Variants in CAMKMT observed in about 807,000 individuals in gnomAD.
The protein encoded by CAMKMT is calmodulin-lysine N-methyltransferase, also known as CaM KMT.
In CAMKMT, 53 loss-of-function variants were observed where a neutral mutation model predicts 48.0. That is an observed-to-expected ratio of 1.10 (90% CI 0.89 to 1.39). The LOEUF is 1.39. Among genes scored for constraint, CAMKMT ranks in the 40% most tolerant of loss-of-function variants. The pLI is 0.00. For synonymous variants in CAMKMT, 165 were observed against 152.3 expected, an observed-to-expected ratio of 1.08 and a Z score of -0.61; for missense variants, 428 against 402.7, an observed-to-expected ratio of 1.06 and a Z score of -0.54.
rs138074988 is a variant in CAMKMT at position 44,474,130 on chromosome 2, T to C, written c.376+83825T>C. ...AGTTCTTCTTTGGAATTGTGAAATA[T>C]CCTCTGAACTTAATAGAAATTTAGT... On this transcript the variant is annotated intron_variant, in intron 3 of 10. Coordinates refer to ENST00000378494, the MANE Select transcript of CAMKMT (RefSeq NM_024766.5). Among the ~76,000 whole-genome samples, 64 of 152,176 alleles carry C rather than the reference T, an allele frequency of 4.2e-4. 1 individual carries two copies. The East Asian group carries it at 0.012, about 28-fold the overall frequency.
chr2:44,538,050 T>G (rs1434977362), intron 3 of CAMKMT, among the ~76,000 whole-genome samples: 1 of 152,136 alleles, frequency 6.6e-6, no homozygotes, highest in Non-Finnish European at 1.5e-5. Flanking sequence ...GGAACCAATC[T>G]AAGTGCCCAC....
chr2:44,651,831 G>A (rs1252372086), intron 3 of CAMKMT, among the ~76,000 whole-genome samples: 1 of 152,080 alleles, frequency 6.6e-6, no homozygotes, highest in Non-Finnish European at 1.5e-5. Context: ...GCATGTTAAT[G>A]AAACCATTAG....
At chr2:44,397,855 C>T (rs145411752) in intron 3 of CAMKMT, among the ~76,000 whole-genome samples, 1 of 152,254 alleles carries the variant, frequency 6.6e-6, no homozygotes, top group African/African-American at 2.4e-5. Context: ...ACCCTATAAT[C>T]CTTTGTAGAT....
chr2:44,498,901 T>A (rs13402006), intron 3 of CAMKMT, among the ~76,000 whole-genome samples: 1 of 151,954 alleles, frequency 6.6e-6, no homozygotes, highest in African/African-American at 2.4e-5. Context: ...AGTCTTGAAT[T>A]TTGTGGTAAT....
At chr2:44,366,091 A>C (rs973771266) in intron 1 of CAMKMT, among the ~76,000 whole-genome samples, 30 of 152,246 alleles carry the variant, frequency 2.0e-4, no homozygotes, top group African/African-American at 7.0e-4. Flanking sequence ...TAAGCAACTT[A>C]CCTTTATCTT....
chr2:44,567,184 C>T (rs559997350), intron 3 of CAMKMT, among the ~76,000 whole-genome samples: 2 of 152,250 alleles, frequency 1.3e-5, no homozygotes, highest in South Asian at 2.1e-4. Context: ...AATTTTTCTG[C>T]AGCTCTTTCA....
chr2:44,627,697 C>CTTTTTTTTCTTTTTTTT (rs1672566621), intron 3 of CAMKMT, among the ~76,000 whole-genome samples: 1 of 75,100 alleles, frequency 1.3e-5, no homozygotes, highest in African/African-American at 6.0e-5. Context: ...CCATTTTATC[C>CTTTTTTTTCTTTTTTTT]TTTTTTTTTT....
chr2:44,740,857 A>G (rs1192293729), intron 7 of CAMKMT, among the ~76,000 whole-genome samples: 1 of 152,222 alleles, frequency 6.6e-6, no homozygotes, highest in Admixed American at 6.5e-5. Context: ...GGATAGTGAC[A>G]TGGTGATAAG....
intron 2 of CAMKMT, among the ~76,000 whole-genome samples, chr2:44,386,510 T>C (rs1028236833): frequency 6.6e-6 from 1 of 152,166 alleles, no homozygotes; most frequent in African/African-American, 2.4e-5. Flanking sequence ...TGTTTCAATT[T>C]CATTTAGTTC....
chr2:44,629,539 A>G (rs1487513934), intron 3 of CAMKMT, among the ~76,000 whole-genome samples: 3 of 151,296 alleles, frequency 2.0e-5, no homozygotes, highest in African/African-American at 7.3e-5. Context: ...CAATGGCTCA[A>G]GCAATCCTCC....
chr2:44,661,488 G>A (rs989370700), intron 3 of CAMKMT, among the ~76,000 whole-genome samples: 15 of 151,824 alleles, frequency 9.9e-5, no homozygotes, highest in African/African-American at 3.6e-4. Flanking sequence ...GCTAATTTCT[G>A]TGTTTTTAGT....
intron 3 of CAMKMT, among the ~76,000 whole-genome samples, chr2:44,562,116 G>A (rs1381804793): frequency 6.6e-6 from 1 of 152,140 alleles, no homozygotes; most frequent in Non-Finnish European, 1.5e-5. Context: ...TTCTGCCAAG[G>A]GCTTTGTAAC....
At chr2:44,679,626 C>G (rs548765134) in intron 3 of CAMKMT, among the ~76,000 whole-genome samples, 1 of 152,192 alleles carries the variant, frequency 6.6e-6, no homozygotes, top group Non-Finnish European at 1.5e-5. Context: ...CTAATTTTAA[C>G]GTTAACAATG....
chr2:44,489,668 G>A (rs747048294), intron 3 of CAMKMT, among the ~76,000 whole-genome samples: 1 of 152,048 alleles, frequency 6.6e-6, no homozygotes, highest in Non-Finnish European at 1.5e-5. Flanking sequence ...ACTAATTGCC[G>A]TGAGAAGTAG....
chr2:44,614,147 G>A (rs926249893), intron 3 of CAMKMT, among the ~76,000 whole-genome samples: 1 of 152,154 alleles, frequency 6.6e-6, no homozygotes, highest in Non-Finnish European at 1.5e-5. Flanking sequence ...TCTTTTGAAA[G>A]GTTGTATTTG....
intron 3 of CAMKMT, among the ~76,000 whole-genome samples, chr2:44,556,903 C>T (rs914401209): frequency 6.6e-6 from 1 of 151,552 alleles, no homozygotes; most frequent in African/African-American, 2.4e-5. Flanking sequence ...ATAATGAGAC[C>T]CCGTCTCTAC....
intron 3 of CAMKMT, among the ~76,000 whole-genome samples, chr2:44,416,151 C>T (rs192140680): frequency 4.6e-5 from 7 of 152,192 alleles, no homozygotes; most frequent in Admixed American, 6.5e-5. Flanking sequence ...TACATACCTA[C>T]GTAACAATGT....
chr2:44,714,770 G>C (rs1413165881), intron 6 of CAMKMT, among the ~76,000 whole-genome samples: 1 of 152,174 alleles, frequency 6.6e-6, no homozygotes, highest in Non-Finnish European at 1.5e-5. Flanking sequence ...TCTGGGGCTT[G>C]CCATGATGAT....
chr2:44,374,735 A>G (rs576324084), intron 2 of CAMKMT, among the ~76,000 whole-genome samples: 1 of 152,236 alleles, frequency 6.6e-6, no homozygotes, highest in Non-Finnish European at 1.5e-5. Context: ...CTTGTGATAT[A>G]TGAAAGAATA....
Sources: gnomAD v4.1 joint callset for allele counts (sites outside exome capture counted in the v4.1 genomes callset) on GRCh38, gnomAD v4.1.1 for gene constraint, MANE v1.5 for transcripts, NCBI Gene and HGNC (gene_info 2026-07-23, HGNC 2026-07-21) for gene names.